ACYP2: variants seen among roughly 807,000 people sequenced by gnomAD.
The protein encoded by ACYP2 is acylphosphatase-2.
ACYP2 carries 12 observed loss-of-function variants against 11.2 expected under a neutral mutation model. That is an observed-to-expected ratio of 1.08 (90% CI 0.69 to 1.74). The LOEUF (loss-of-function observed/expected upper bound fraction) is 1.74. ACYP2 is among the 40% of genes most tolerant of loss of function. The pLI, the probability that ACYP2 is intolerant of heterozygous loss-of-function variation, is 0.00. For synonymous variants in ACYP2, 43 were observed against 32.2 expected, an observed-to-expected ratio of 1.33 and a Z score of -1.13; for missense variants, 134 against 101.9, an observed-to-expected ratio of 1.31 and a Z score of -1.35.
At chr2:54,247,861 C>A (rs72908759) in intron 6 of ACYP2, among the ~76,000 whole-genome samples, 11,005 of 152,234 alleles carry the variant, frequency 0.072, 484 homozygotes, top group Middle Eastern at 0.18. Flanking sequence ...GGTGACTGGA[C>A]AGAAGTAACA....
At chr2:54,094,473 C>T (rs983917448) in intron 4 of ACYP2, among the ~76,000 whole-genome samples, 3 of 152,096 alleles carry the variant, frequency 2.0e-5, no homozygotes, top group Admixed American at 1.3e-4. Context: ...AGGTGATCTA[C>T]CCACCTCGGC....
chr2:54,167,801 T>G (rs1483489071), intron 6 of ACYP2, among the ~76,000 whole-genome samples: 1 of 152,170 alleles, frequency 6.6e-6, no homozygotes. Flanking sequence ...GGAAGAGAGT[T>G]GTGTAGGAGA....
intron 2 of ACYP2, among the ~76,000 whole-genome samples, chr2:54,020,803 AG>A (rs1386880932): frequency 6.6e-6 from 1 of 152,236 alleles, no homozygotes; most frequent in African/African-American, 2.4e-5. Flanking sequence ...AAACATGGGA[AG>A]TTTTTTGAAT....
At chr2:54,277,832 T>G (rs750186452) in intron 6 of ACYP2, among the ~76,000 whole-genome samples, 7 of 152,196 alleles carry the variant, frequency 4.6e-5, no homozygotes, top group African/African-American at 7.2e-5. Context: ...TGTAATAATA[T>G]ATTACTTGTC....
At chr2:54,189,424 CTG>C (rs1010361143) in intron 6 of ACYP2, among the ~76,000 whole-genome samples, 7 of 152,116 alleles carry the variant, frequency 4.6e-5, no homozygotes, top group Non-Finnish European at 1.0e-4. Flanking sequence ...TAAAAATTTT[CTG>C]TGTCTGGATT....
chr2:54,022,425 A>C (rs368884278), intron 2 of ACYP2, among the ~76,000 whole-genome samples: 240 of 152,224 alleles, frequency 1.6e-3, no homozygotes, highest in African/African-American at 5.5e-3. Flanking sequence ...TCTGTCACCC[A>C]TGCTAGAGTA....
chr2:54,273,380 C>T (rs1688401812), intron 6 of ACYP2, among the ~76,000 whole-genome samples: 1 of 152,208 alleles, frequency 6.6e-6, no homozygotes, highest in Non-Finnish European at 1.5e-5. Flanking sequence ...TACACAGCCC[C>T]TAGAAGGCAT....
chr2:54,136,864 T>C (rs540145304), intron 5 of ACYP2, among the ~76,000 whole-genome samples: 71 of 152,132 alleles, frequency 4.7e-4, no homozygotes, highest in Admixed American at 9.8e-4. Context: ...TAATCCGAGC[T>C]ACTTGGGAGG....
chr2:54,264,183 G>T (rs1447088729), intron 6 of ACYP2, among the ~76,000 whole-genome samples: 3 of 152,138 alleles, frequency 2.0e-5, no homozygotes, highest in African/African-American at 2.4e-5. Context: ...GGTCTCGCTT[G>T]ATTTCAGGAG....
chr2:54,300,237 C>A (rs1043665460), intron 6 of ACYP2, among the ~76,000 whole-genome samples: 1 of 152,196 alleles, frequency 6.6e-6, no homozygotes, highest in Admixed American at 6.5e-5. Flanking sequence ...CTCCTTTGCT[C>A]GAATCTTCAA....
intron 5 of ACYP2, 120 bp downstream of exon 2, chr2:54,135,589 A>T (rs13417064): frequency 2.9e-6 from 2 of 682,044 alleles, no homozygotes; most frequent in African/African-American, 1.9e-5. Flanking sequence ...CCTTGACAGC[A>T]AATGAAGAAA....
intron 3 of ACYP2, chr2:54,051,708 T>C: frequency 1.7e-6 from 1 of 605,260 alleles, no homozygotes; most frequent in South Asian, 1.6e-5. Context: ...GAAAGCCTGA[T>C]GCAGCAAAAA....
At chr2:54,252,315 G>A (rs1421017751) in intron 6 of ACYP2, among the ~76,000 whole-genome samples, 1 of 152,000 alleles carries the variant, frequency 6.6e-6, no homozygotes, top group Non-Finnish European at 1.5e-5. Context: ...ACTATTGATG[G>A]ACATTAGGGC....
chr2:54,066,574 A>T lies in ACYP2; in HGVS notation c.277+9214A>T, dbSNP rs143260037. Reference sequence around the variant, plus strand: ...GTGTTACTAGTCCTATGCCAAACCAATGTGCCATAAAATCATCTGATTTAT... The same window carrying T: ...GTGTTACTAGTCCTATGCCAAACCATTGTGCCATAAAATCATCTGATTTAT... On this transcript the variant is annotated intron_variant, in intron 4 of 6. Transcript: ENST00000607452. 5.6e-4 allele frequency among the ~76,000 whole-genome samples: 86 copies of T among 152,226 alleles called. 1 individual carries two copies. Among genetic ancestry groups the T allele is most frequent in the African/African-American group, 2.0e-3 (84 of 41,562 alleles).
chr2:53,974,811 C>T (rs936473529), intron 2 of ACYP2, among the ~76,000 whole-genome samples: 3 of 152,096 alleles, frequency 2.0e-5, no homozygotes, highest in Non-Finnish European at 4.4e-5. Context: ...TCACTGAATT[C>T]TCTAGAGATA....
chr2:54,052,134 TGAA>T (rs1426032666), intron 3 of ACYP2, among the ~76,000 whole-genome samples: 3 of 151,962 alleles, frequency 2.0e-5, no homozygotes, highest in South Asian at 2.1e-4. Context: ...AGGATGAAGA[TGAA>T]GAAGATGATG....
chr2:54,177,897 CTTTCTTTATTT>C (rs1683532530), intron 6 of ACYP2, among the ~76,000 whole-genome samples: 1 of 112,044 alleles, frequency 8.9e-6, no homozygotes, highest in African/African-American at 3.2e-5. Flanking sequence ...TCTTTTCTTT[CTTTCTTTATTT>C]TTTTTTTTTT....
chr2:54,193,121 T>C (rs1286393201), intron 6 of ACYP2, among the ~76,000 whole-genome samples: 2 of 152,198 alleles, frequency 1.3e-5, no homozygotes, highest in Admixed American at 6.5e-5. Flanking sequence ...TTGGTTCAAG[T>C]TGAAGTCCTG....
At chr2:54,141,789 G>C (rs1473234442) in intron 6 of ACYP2, 4 of 460,924 alleles carry the variant, frequency 8.7e-6, no homozygotes. Context: ...TTATTAAAAA[G>C]AAAACTTACA....
Sources: gnomAD v4.1 joint callset for allele counts (sites outside exome capture counted in the v4.1 genomes callset) on GRCh38, gnomAD v4.1.1 for gene constraint, MANE v1.5 for transcripts, NCBI Gene and HGNC (gene_info 2026-07-23, HGNC 2026-07-21) for gene names.